The following SLC2A9 variants were observed in gnomAD, a reference collection of about 807,000 sequenced individuals.
SLC2A9 encodes the protein solute carrier family 2, facilitated glucose transporter member 9.
In SLC2A9, 39 loss-of-function variants were observed where a neutral mutation model predicts 50.6. The ratio of observed to expected loss-of-function variants is 0.77; its 90% CI spans 0.60 to 1.01. SLC2A9 has a LOEUF of 1.01. Ranked by LOEUF, SLC2A9 falls within the 50% of genes least tolerant of loss-of-function variation. The probability of loss-of-function intolerance (pLI) is 0.00; values close to 1 mark genes in which losing one functional copy is unlikely to be tolerated. For missense variants in SLC2A9, 686 were observed against 677.6 expected (o/e 1.01, Z -0.14); for synonymous variants, 324 against 276.9 (o/e 1.17, Z -1.69).
chr4:10,036,947 C>T lies in SLC2A9; in HGVS notation c.-41+3183G>A, dbSNP rs1171610567. Among the ~76,000 whole-genome samples, 5 of 152,174 alleles carry T rather than the reference C, an allele frequency of 3.3e-5. No individual in the cohort carries two copies. The South Asian group carries it at 1.0e-3, about 32-fold the overall frequency. On this transcript the variant is annotated intron_variant, in intron 1 of 12. Coordinates refer to the SLC2A9 transcript ENST00000309065. ...CTCCTTGGGCTTGCTAAGGAGCAAG[C>T]GGGGCCTCTAGACTTAATTGTTAAG...
chr4:9,783,310 C>G (rs763038112), intron 3 of SLC2A9: 13 of 1,614,212 alleles, frequency 8.1e-6, no homozygotes, highest in Non-Finnish European at 1.0e-5. Flanking sequence ...AGGTGGACAA[C>G]GACGAGGAGG....
chr4:9,777,446 C>T (rs1337872408), downstream of SLC2A9, among the ~76,000 whole-genome samples: 2 of 152,096 alleles, frequency 1.3e-5, no homozygotes, highest in Non-Finnish European at 2.9e-5. Flanking sequence ...CCCTATCTGT[C>T]ACTTACACAC....
At chr4:9,807,561 C>A (rs938624766) in intron 3 of SLC2A9, among the ~76,000 whole-genome samples, 2 of 152,096 alleles carry the variant, frequency 1.3e-5, no homozygotes, top group African/African-American at 4.8e-5. Flanking sequence ...TTGCCTTTTG[C>A]ATTTCCAGTG....
chr4:9,829,930 T>G (rs1331324109), intron 11 of SLC2A9, among the ~76,000 whole-genome samples: 7 of 152,326 alleles, frequency 4.6e-5, no homozygotes. Flanking sequence ...TTAAATTAGT[T>G]CAATCATTGT....
At chr4:9,979,159 G>A (rs567870745) in intron 5 of SLC2A9, among the ~76,000 whole-genome samples, 2 of 152,202 alleles carry the variant, frequency 1.3e-5, no homozygotes, top group South Asian at 4.1e-4. Context: ...ACACAGACCC[G>A]GGTTCTGGTT....
downstream of SLC2A9, among the ~76,000 whole-genome samples, chr4:9,795,289 C>T (rs1720464261): frequency 6.6e-6 from 1 of 152,166 alleles, no homozygotes; most frequent in African/African-American, 2.4e-5. Context: ...GGATTACAGG[C>T]ATGAGCCACT....
chr4:9,898,978 C>T (rs1360827551), intron 8 of SLC2A9, among the ~76,000 whole-genome samples: 8 of 150,010 alleles, frequency 5.3e-5, no homozygotes, highest in South Asian at 2.1e-4. Context: ...ATGACACACA[C>T]TCTCTCTCTC....
intron 1 of SLC2A9, among the ~76,000 whole-genome samples, chr4:10,032,881 T>C (rs1578393027): frequency 6.6e-6 from 1 of 152,198 alleles, no homozygotes; most frequent in African/African-American, 2.4e-5. Context: ...ACCGTGACCA[T>C]GGGCAAGTTA....
At chr4:9,946,268 C>A (rs969810091) in intron 5 of SLC2A9, among the ~76,000 whole-genome samples, 4 of 152,150 alleles carry the variant, frequency 2.6e-5, no homozygotes, top group South Asian at 4.1e-4. Flanking sequence ...GTTCTTTAAT[C>A]TGCAGGTTTC....
At chr4:9,851,993 C>T (rs886203678) in intron 10 of SLC2A9, among the ~76,000 whole-genome samples, 5 of 152,198 alleles carry the variant, frequency 3.3e-5, no homozygotes, top group Admixed American at 6.5e-5. Flanking sequence ...ACTTGGAAAA[C>T]ATATTTGAGG....
chr4:9,904,091 C>G (rs979781270), intron 8 of SLC2A9, among the ~76,000 whole-genome samples: 5 of 151,862 alleles, frequency 3.3e-5, no homozygotes, highest in African/African-American at 1.2e-4. Flanking sequence ...AGGGGAGTGG[C>G]TTTCACACAC....
chr4:9,879,965 C>T (rs570906456), intron 10 of SLC2A9: 4 of 985,456 alleles, frequency 4.1e-6, no homozygotes, highest in Non-Finnish European at 4.8e-6. Context: ...CTTCTTACAT[C>T]GACCTGTTCC....
At chr4:9,905,789 G>T (rs546384806) in intron 8 of SLC2A9, among the ~76,000 whole-genome samples, 1 of 152,154 alleles carries the variant, frequency 6.6e-6, no homozygotes, top group Non-Finnish European at 1.5e-5. Context: ...TTTCAGGCAT[G>T]ATGTGAGCAT....
chr4:9,956,841 C>G (rs1000781549), intron 5 of SLC2A9, among the ~76,000 whole-genome samples: 1 of 152,088 alleles, frequency 6.6e-6, no homozygotes, highest in Non-Finnish European at 1.5e-5. Flanking sequence ...CGTGGCAGTA[C>G]AGACATTTCA....
chr4:10,033,206 C>T (rs184684053), intron 1 of SLC2A9, among the ~76,000 whole-genome samples: 2 of 152,168 alleles, frequency 1.3e-5, no homozygotes, highest in Admixed American at 6.5e-5. Context: ...CAGGAAAGAG[C>T]TAAGGTTGTT....
intron 5 of SLC2A9, among the ~76,000 whole-genome samples, chr4:9,976,703 G>C (rs897686428): frequency 1.3e-5 from 2 of 152,262 alleles, no homozygotes; most frequent in African/African-American, 4.8e-5. Flanking sequence ...CTCAAAGCCA[G>C]AAGGTGGGCA....
At chr4:9,882,704 G>GTT (rs1333031674) in intron 10 of SLC2A9, among the ~76,000 whole-genome samples, 1 of 115,232 alleles carries the variant, frequency 8.7e-6, no homozygotes, top group African/African-American at 3.0e-5. Context: ...GTGAGACTCT[G>GTT]TCTCAAGAAA....
intron 3 of SLC2A9, among the ~76,000 whole-genome samples, chr4:9,821,155 C>G (rs1425640711): frequency 1.3e-5 from 2 of 152,182 alleles, no homozygotes; most frequent in African/African-American, 4.8e-5. Context: ...TGAATTTCAT[C>G]AAATGTTTCC....
At chr4:9,912,758 C>T (rs1385507785) in intron 7 of SLC2A9, among the ~76,000 whole-genome samples, 3 of 152,192 alleles carry the variant, frequency 2.0e-5, no homozygotes, top group Non-Finnish European at 2.9e-5. Flanking sequence ...TGTTCACATG[C>T]TAATCCTGGG....
Sources: allele counts gnomAD v4.1 joint callset (sites outside exome capture counted in the v4.1 genomes callset), GRCh38; gene constraint gnomAD v4.1.1; transcripts MANE v1.5; gene names NCBI Gene and HGNC (gene_info 2026-07-23, HGNC 2026-07-21).